The following HMGCL variants were observed in gnomAD, a reference collection of about 807,000 sequenced individuals.
The protein encoded by HMGCL is 3-hydroxy-3-methylglutaryl-CoA lyase, also known as hydroxymethylglutaryl-CoA lyase, mitochondrial.
A neutral mutation model predicts 37.3 loss-of-function variants in HMGCL; 26 were observed. The ratio of observed to expected loss-of-function variants is 0.70; its 90% confidence interval spans 0.51 to 0.97. The LOEUF is 0.97. Ranked by LOEUF, HMGCL falls within the 50% of genes least tolerant of loss-of-function variation. The pLI, the probability that HMGCL is intolerant of heterozygous loss-of-function variation, is 0.00. For missense variants in HMGCL, 379 were observed against 398.1 expected, an observed-to-expected ratio of 0.95 and a Z score of 0.41; for synonymous variants, 151 against 148.0, an observed-to-expected ratio of 1.02 and a Z score of -0.15.
rs780471412 is a variant in HMGCL, at chr1:23,816,768, C to T, written c.255G>A (p.Met85Ile). The change falls in exon 4 of 9, where the codon ATG (methionine) becomes ATA (isoleucine). Residue 85 changes from methionine to isoleucine, a missense_variant and splice_region_variant. Coordinates refer to ENST00000374490, the MANE Select transcript of HMGCL (RefSeq NM_000191.3). ...SFVSPKWVPQ[M>I]GDHTEVLKGI... ...CCTTCAAGACTTCAGTGTGGTCACC[C>T]ATCTAGGAACCAAGGGAGACATTGC... is the stretch of plus-strand genomic sequence containing the variant. The T allele has an allele frequency of 6.3e-7, 1 of 1,599,338 alleles. No individual in the cohort carries two copies. The highest frequency in any genetic ancestry group is 8.6e-7 in the Non-Finnish European group (1 of 1,166,456).
At chr1:23,816,458 C>A in intron 4 of HMGCL, 1 of 617,646 alleles carries the variant, frequency 1.6e-6, no homozygotes, top group Admixed American at 2.5e-5. Context: ...ATGCTCACAA[C>A]TTCAGGTACT....
At chr1:23,808,849 C>A (rs1431416931) in intron 6 of HMGCL, among the ~76,000 whole-genome samples, 1 of 148,564 alleles carries the variant, frequency 6.7e-6, no homozygotes, top group Non-Finnish European at 1.5e-5. Context: ...CTCAAGCAAT[C>A]CTCCCACCTC....
rs1169548409 is a variant in HMGCL, at chr1:23,821,540, TC to T, written c.61-948del. Among the ~76,000 whole-genome samples the T allele has an allele frequency of 7.3e-5, 11 of 150,498 alleles. 1 individual carries two copies. The highest frequency in any genetic ancestry group is 2.7e-4 in the African/African-American group (11 of 40,862). On this transcript the variant is annotated intron_variant, in intron 1 of 8. Transcript: ENST00000374490. ...CAGGTGTGGTGGAATGGACATGTAG[TC>T]CCAGCTACTCAAGAGGCTGAGGTGG...
At position 23,802,533 on chromosome 1, in the gene HMGCL, C is replaced by G; in HGVS notation, c.908G>C (p.Gly303Ala). The G allele has an allele frequency of 6.2e-7, 1 of 1,613,976 alleles. No homozygotes were observed. The highest frequency in any genetic ancestry group is 1.1e-5 in the South Asian group (1 of 91,080). The change falls in exon 9 of 9, where the codon GGA becomes GCA. Residue 303 changes from glycine to alanine, a missense_variant. By Grantham distance (60) the Gly-to-Ala change is moderately conservative. Transcript: ENST00000374490. ...GVNLQKLLEA[G>A]NFICQALNRK... ...GTTCAGGGCTTGACAGATAAAGTTT[C>G]CAGCTTCCAGAAGCTTCTGGAGATT...
rs1638699315 is a variant in HMGCL at position 23,820,536 on chromosome 1, G to C, written c.118C>G (p.Pro40Ala). Residue 40 changes from proline to alanine, a missense_variant, in exon 2 of 9, where the codon CCC becomes GCC. By Grantham distance (27) the Pro-to-Ala change is conservative (BLOSUM62 -1). Coordinates refer to ENST00000374490, the MANE Select transcript of HMGCL (RefSeq NM_000191.3). ...TTTTCATTTTGTAGTCCATCTCGGGGACCAACTTCCACAATTTTCACCCGC... is the reference window on the plus strand; with the variant it reads ...TTTTCATTTTGTAGTCCATCTCGGGCACCAACTTCCACAATTTTCACCCGC... ...PKRVKIVEVG[P>A]RDGLQNEKNI... The C allele has an allele frequency of 6.2e-7, 1 of 1,613,910 alleles. No homozygotes were observed. Among genetic ancestry groups the C allele is most frequent in the Admixed American group, 1.7e-5 (1 of 60,004 alleles).
At chr1:23,811,531 A>C (rs1054152567) in intron 5 of HMGCL, among the ~76,000 whole-genome samples, 1 of 152,342 alleles carries the variant, frequency 6.6e-6, no homozygotes, top group Middle Eastern at 3.4e-3. Flanking sequence ...AGGGTCCAGG[A>C]AAGATCCCTC....
At chr1:23,817,608 G>T in intron 2 of HMGCL, 25 bp from the exon 3 acceptor site, 2 of 1,445,384 alleles carry the variant, frequency 1.4e-6, no homozygotes, top group South Asian at 1.1e-5. Flanking sequence ...GAAACACCAA[G>T]GCAGCAAAGT....
At chr1:23,822,286 A>G (rs1177242803) in intron 1 of HMGCL, among the ~76,000 whole-genome samples, 1 of 152,128 alleles carries the variant, frequency 6.6e-6, no homozygotes, top group Non-Finnish European at 1.5e-5. Context: ...GATGACAAGC[A>G]TGGGTCTAAG....
chr1:23,819,913 T>C (rs1193654622), intron 2 of HMGCL, among the ~76,000 whole-genome samples: 3 of 152,072 alleles, frequency 2.0e-5, no homozygotes, highest in Admixed American at 6.5e-5. Context: ...TATATACCTA[T>C]GTTATTAATG....
intron 2 of HMGCL, among the ~76,000 whole-genome samples, chr1:23,819,006 T>TAAAAAAAAAAAAAA (rs11371330): frequency 4.9e-4 from 21 of 43,138 alleles, no homozygotes; most frequent in East Asian, 8.7e-4. Context: ...ATGGACGTGC[T>TAAAAAAAAAAAAAA]AAAAAAAAAA....
intron 4 of HMGCL, among the ~76,000 whole-genome samples, chr1:23,815,352 G>A (rs1195664107): frequency 6.6e-6 from 1 of 152,028 alleles, no homozygotes; most frequent in Non-Finnish European, 1.5e-5. Flanking sequence ...CCCCAGCAGA[G>A]AGGCATAGGA....
chr1:23,813,304 G>A (rs527254270), intron 5 of HMGCL, among the ~76,000 whole-genome samples: 6 of 137,092 alleles, frequency 4.4e-5, no homozygotes, highest in African/African-American at 1.7e-4. Context: ...GTGTGATCTC[G>A]GCTCACCACA....
At chr1:23,808,852 C>G (rs529303756) in intron 6 of HMGCL, among the ~76,000 whole-genome samples, 77 of 150,990 alleles carry the variant, frequency 5.1e-4, no homozygotes, top group African/African-American at 1.8e-3. Context: ...AAGCAATCCT[C>G]CCACCTCAGC....
At chr1:23,813,227 G>GTTTTTTTTT (rs58260499) in intron 5 of HMGCL, among the ~76,000 whole-genome samples, 3 of 70,800 alleles carry the variant, frequency 4.2e-5, no homozygotes, top group Non-Finnish European at 7.9e-5. Context: ...TGGCTGCAAT[G>GTTTTTTTTT]TTTTTTTTTT....
chr1:23,809,239 T>TATATATATATATATATATA (rs61608386), intron 6 of HMGCL: 1 of 75,412 alleles, frequency 1.3e-5, no homozygotes, highest in African/African-American at 6.1e-5. Context: ...TATATATATA[T>TATATATATATATATATATA]TTTTTTTTTT....
intron 3 of HMGCL, 123 bp downstream of exon 3, chr1:23,817,353 C>T: frequency 1.5e-6 from 1 of 670,162 alleles, no homozygotes; most frequent in East Asian, 2.6e-5. Context: ...TGCTATGAAT[C>T]ACCTGAGACC....
chr1:23,803,598 AG>A (rs1430701300), intron 8 of HMGCL: 1 of 152,292 alleles, frequency 6.6e-6, no homozygotes, highest in Non-Finnish European at 1.5e-5. Context: ...GGCTTCCCAA[AG>A]TGCTGGGATT....
chr1:23,815,646 C>A (rs1229575860), intron 4 of HMGCL, among the ~76,000 whole-genome samples: 2 of 151,904 alleles, frequency 1.3e-5, no homozygotes, highest in African/African-American at 4.8e-5. Flanking sequence ...CAGGTACCTG[C>A]CACCAAGCCT....
At chr1:23,804,249 T>C in intron 8 of HMGCL, 151 bp downstream of exon 8, 2 of 882,818 alleles carry the variant, frequency 2.3e-6, no homozygotes, top group Non-Finnish European at 3.6e-6. Flanking sequence ...GTGCTGAGAT[T>C]ACAGGCATGA....
Sources: allele counts gnomAD v4.1 joint callset (sites outside exome capture counted in the v4.1 genomes callset), GRCh38; gene constraint gnomAD v4.1.1; transcripts MANE v1.5; gene names NCBI Gene and HGNC (gene_info 2026-07-23, HGNC 2026-07-21).